HEXB: variants seen among roughly 807,000 people sequenced by gnomAD.
The protein encoded by HEXB is hexosaminidase subunit beta.
HEXB carries 51 observed loss-of-function variants against 71.2 expected under a neutral mutation model. That is an observed-to-expected ratio of 0.72 (90% CI 0.57 to 0.90). The LOEUF (loss-of-function observed/expected upper bound fraction) is 0.90. Among genes scored for constraint, HEXB ranks in the 40% least tolerant of loss-of-function variants. HEXB has a pLI of 0.00. For missense variants in HEXB, 617 were observed against 677.0 expected (o/e 0.91, Z 0.98); for synonymous variants, 266 against 249.3 (o/e 1.07, Z -0.63).
Position 74,718,904 on chromosome 5 carries a change from C to T in HEXB, c.1350C>T (p.Tyr450=). ...GFPVILSAPW[Y]LDLISYGQDW... ...CTGTAATCCTTTCTGCTCCTTGGTACTTAGATTTGATTAGCTATGGACAAG... is the reference window on the plus strand; with the variant it reads ...CTGTAATCCTTTCTGCTCCTTGGTATTTAGATTTGATTAGCTATGGACAAG... Residue 450 remains tyrosine, a synonymous_variant, in exon 11 of 14, where the codon TAC becomes TAT. Coordinates refer to ENST00000261416, the MANE Select transcript of HEXB (RefSeq NM_000521.4). 2 of 1,613,944 alleles carry T rather than the reference C, an allele frequency of 1.2e-6. No individual in the cohort carries two copies. Among genetic ancestry groups the T allele is most frequent in the Non-Finnish European group, 1.7e-6 (2 of 1,179,888 alleles).
In HEXB at chr5:74,705,520, T is replaced by A. The variant is rs1034318161; in HGVS notation, c.771+200T>A. On this transcript the variant is annotated intron_variant, in intron 6 of 13. Transcript: ENST00000261416. Reference sequence around the variant, plus strand: ...TTATTGTTATAACGGTTACTGTAATTGTTACTGTGAATATAAACAATCTTG... The same window carrying A: ...TTATTGTTATAACGGTTACTGTAATAGTTACTGTGAATATAAACAATCTTG... 19 of 563,834 alleles carry A rather than the reference T, an allele frequency of 3.4e-5. No homozygotes were observed. The East Asian group carries it at 5.8e-4, about 17-fold the overall frequency. 34.9% of individuals were successfully genotyped at this position (563,834 alleles called of 1,614,324 possible). A position where few individuals can be genotyped will look rare whatever the true frequency, so the allele number is the denominator to read the frequency against.
At position 74,652,630 on chromosome 5, in the gene HEXB, T is replaced by G. The variant is rs183318981; in HGVS notation, c.-377+12072T>G. Reference sequence around the variant, plus strand: ...TAGTTTGGTGGAAACTTCATTTGAGTCATGTAAGGGATTCCCTCCCTTACC... The same window carrying G: ...TAGTTTGGTGGAAACTTCATTTGAGGCATGTAAGGGATTCCCTCCCTTACC... On this transcript the variant is annotated intron_variant, in intron 1 of 13. Transcript: ENST00000511181. The surrounding 1 kb of genome is among the most constrained non-coding windows in gnomAD (Gnocchi z 5.4). 6.6e-6 allele frequency among the ~76,000 whole-genome samples: 1 copy of G among 152,136 alleles called. No individual in the cohort carries two copies. Among genetic ancestry groups the G allele is most frequent in the Non-Finnish European group, 1.5e-5 (1 of 68,030 alleles).
intron 1 of HEXB, among the ~76,000 whole-genome samples, chr5:74,664,430 T>TTAAAA (rs768901546): frequency 6.3e-5 from 5 of 79,660 alleles, no homozygotes; most frequent in Non-Finnish European, 7.3e-5. Flanking sequence ...ATTCTATCTC[T>TTAAAA]AAAAAAAAAA....
intron 2 of HEXB, 52 bp downstream of exon 2, chr5:74,689,525 A>G: frequency 6.6e-7 from 1 of 1,521,534 alleles, no homozygotes; most frequent in African/African-American, 1.4e-5. Context: ...TCGCTGACGG[A>G]CTTAAGTGCC....
At chr5:74,695,228 G>T (rs1444497668) in intron 3 of HEXB, among the ~76,000 whole-genome samples, 1 of 117,148 alleles carries the variant, frequency 8.5e-6, no homozygotes, top group Admixed American at 9.6e-5. Context: ...TTTTGAGACA[G>T]AATCTTGCTC....
chr5:74,645,195 T>C (rs1450020098), intron 1 of HEXB, among the ~76,000 whole-genome samples: 1 of 151,988 alleles, frequency 6.6e-6, no homozygotes, highest in Non-Finnish European at 1.5e-5. Flanking sequence ...CTGGATTGTA[T>C]AGTATGATTG....
intron 1 of HEXB, among the ~76,000 whole-genome samples, chr5:74,686,223 C>A (rs1025245777): frequency 6.6e-6 from 1 of 152,146 alleles, no homozygotes; most frequent in Non-Finnish European, 1.5e-5. Context: ...CCCTAGATAG[C>A]GCCTCTGTCT....
chr5:74,648,396 G>A (rs1476244153), intron 1 of HEXB, among the ~76,000 whole-genome samples: 8 of 152,094 alleles, frequency 5.3e-5, no homozygotes, highest in Admixed American at 3.3e-4. Flanking sequence ...AACACACATG[G>A]AGGCACACTC....
intron 1 of HEXB, among the ~76,000 whole-genome samples, chr5:74,687,424 G>C (rs1457267775): frequency 6.6e-6 from 1 of 152,232 alleles, no homozygotes; most frequent in Non-Finnish European, 1.5e-5. Flanking sequence ...TGCAGGCAGA[G>C]AGTTTGGCTG....
At chr5:74,720,847 T>TCTAACAAATAGTAA in intron 13 of HEXB, 100 bp downstream of exon 13, 1 of 976,190 alleles carries the variant, frequency 1.0e-6, no homozygotes, top group African/African-American at 1.6e-5. Context: ...CAAATAGTAA[T>TCTAACAAATAGTAA]TAGAAGAAAC....
chr5:74,710,665 G>A (rs1381536491), intron 6 of HEXB, among the ~76,000 whole-genome samples: 1 of 152,062 alleles, frequency 6.6e-6, no homozygotes, highest in African/African-American at 2.4e-5. Context: ...GCCAAATCAT[G>A]AGTGAACTCC....
rs1030076895 is a variant in HEXB at position 74,672,741 on chromosome 5, G to A, written c.-376-16587G>A. Among the ~76,000 whole-genome samples the A allele has an allele frequency of 9.2e-5, 14 of 152,152 alleles. No homozygotes were observed. In the East Asian group the frequency reaches 1.2e-3, roughly 13 times the overall value. ...CACACCTCCTTGTTCATATCCACAC[G>A]TCAAATTAAGTCCTTTGTCTATTAC... On this transcript the variant is annotated intron_variant, in intron 1 of 13. Transcript: ENST00000511181.
intron 1 of HEXB, among the ~76,000 whole-genome samples, chr5:74,662,419 C>G (rs1325278120): frequency 6.6e-6 from 1 of 152,190 alleles, no homozygotes; most frequent in African/African-American, 2.4e-5. Flanking sequence ...AATTATGCTA[C>G]TAGAAAATGT....
chr5:74,701,026 T>C (rs1027570213), intron 5 of HEXB, among the ~76,000 whole-genome samples: 2 of 151,844 alleles, frequency 1.3e-5, no homozygotes, highest in African/African-American at 4.8e-5. Flanking sequence ...TTATTTTTAT[T>C]TTTTAGCAAA....
At chr5:74,666,388 A>C (rs999555080) in intron 1 of HEXB, among the ~76,000 whole-genome samples, 14 of 152,246 alleles carry the variant, frequency 9.2e-5, no homozygotes, top group Admixed American at 7.9e-4. Flanking sequence ...TTTTCATAAT[A>C]GTAGGTCAAG....
intron 1 of HEXB, among the ~76,000 whole-genome samples, chr5:74,664,270 T>A (rs1242048031): frequency 5.4e-5 from 7 of 130,228 alleles, no homozygotes; most frequent in African/African-American, 1.5e-4. Context: ...AAAAAAAAAA[T>A]TTAAAAACTA....
chr5:74,711,484 C>T (rs186945126), intron 6 of HEXB, among the ~76,000 whole-genome samples: 278 of 152,286 alleles, frequency 1.8e-3, no homozygotes, highest in African/African-American at 6.4e-3. Flanking sequence ...AAACTACCAT[C>T]AGAGTGAACA....
intron 1 of HEXB, among the ~76,000 whole-genome samples, chr5:74,688,864 C>A (rs1270479015): frequency 6.6e-6 from 1 of 152,170 alleles, no homozygotes; most frequent in Non-Finnish European, 1.5e-5. Context: ...GATCCATATT[C>A]TTTCCATCTC....
At chr5:74,643,001 G>A (rs981266525) in intron 1 of HEXB, among the ~76,000 whole-genome samples, 1 of 152,142 alleles carries the variant, frequency 6.6e-6, no homozygotes, top group South Asian at 2.1e-4. Context: ...ATCTGCCTCG[G>A]GGAGATAAGC....
Sources: gnomAD v4.1 joint callset for allele counts (sites outside exome capture counted in the v4.1 genomes callset) on GRCh38, gnomAD v4.1.1 for gene constraint, Gnocchi (gnomAD v3.1) non-coding constraint, MANE v1.5 for transcripts, NCBI Gene and HGNC (gene_info 2026-07-23, HGNC 2026-07-21) for gene names.